The following MYT1L variants were observed in gnomAD, a reference collection of about 807,000 sequenced individuals.
MYT1L encodes myelin transcription factor 1 like.
A neutral mutation model predicts 126.7 loss-of-function variants in MYT1L; 12 were observed. The observed-to-expected ratio is 0.09, with a 90% CI of 0.06 to 0.15. The LOEUF is 0.15. Among genes scored for constraint, MYT1L ranks in the 10% least tolerant of loss-of-function variants. The pLI, the probability that MYT1L is intolerant of heterozygous loss-of-function variation, is 1.00. For missense variants in MYT1L, 979 were observed against 1,585.2 expected (o/e 0.62, Z 6.49); for synonymous variants, 541 against 604.2 (o/e 0.90, Z 1.53).
In MYT1L at chr2:1,806,673, G is replaced by C. The variant is rs922598011; in HGVS notation, c.3172+2403C>G. Among the ~76,000 whole-genome samples, 4 of 152,056 alleles carry C rather than the reference G, an allele frequency of 2.6e-5. No homozygotes were observed. The highest frequency in any genetic ancestry group is 5.9e-5 in the Non-Finnish European group (4 of 68,006). On this transcript the variant is annotated intron_variant, in intron 22 of 24. Coordinates refer to ENST00000647738, the MANE Select transcript of MYT1L (RefSeq NM_001303052.2). The surrounding 1 kb of genome is among the most constrained non-coding windows in gnomAD (Gnocchi z 4.9). ...ACCGATGAAGAGATGGCCACCTCAG[G>C]GATCTGCCCACCGCCGCCCAGGTGG... is the stretch of plus-strand genomic sequence containing the variant.
intron 2 of MYT1L, among the ~76,000 whole-genome samples, chr2:2,277,155 T>C (rs1326185080): frequency 3.3e-5 from 5 of 152,052 alleles, no homozygotes; most frequent in African/African-American, 1.2e-4. Flanking sequence ...CTAATTTTTT[T>C]TGTATTTTTT....
At chr2:2,026,202 G>A (rs75157520) in intron 4 of MYT1L, among the ~76,000 whole-genome samples, 1 of 152,256 alleles carries the variant, frequency 6.6e-6, no homozygotes, top group East Asian at 1.9e-4. Flanking sequence ...ACATTTTTAC[G>A]GCTTCACCCT....
At chr2:1,843,044 A>C (rs2042020837) in intron 19 of MYT1L, 1 of 152,920 alleles carries the variant, frequency 6.5e-6, no homozygotes, top group South Asian at 2.0e-4. Flanking sequence ...CCGCTTCCTC[A>C]GGGGGACCCG....
chr2:2,141,630 T>C (rs2083992071), intron 3 of MYT1L, among the ~76,000 whole-genome samples: 1 of 152,184 alleles, frequency 6.6e-6, no homozygotes, highest in Admixed American at 6.5e-5. Flanking sequence ...CCACTTAAAA[T>C]GTATTTTGGA....
chr2:2,220,824 C>G (rs1411708085), intron 2 of MYT1L, among the ~76,000 whole-genome samples: 1 of 152,028 alleles, frequency 6.6e-6, no homozygotes, highest in Non-Finnish European at 1.5e-5. Context: ...AGTCCCCAGA[C>G]CCCTTAGATA....
rs1279546145 is a variant in MYT1L at position 1,912,946 on chromosome 2, C to A, written c.1619-836G>T. Among the ~76,000 whole-genome samples the A allele has an allele frequency of 2.0e-5, 3 of 152,134 alleles. No individual in the cohort carries two copies. Among genetic ancestry groups the A allele is most frequent in the African/African-American group, 7.2e-5 (3 of 41,428 alleles). ...GAAGGTTAGCAGGGACGAAGGGACC[C>A]CCACACGGACCCTGTCTGCATCATG... On this transcript the variant is annotated intron_variant, in intron 11 of 24. Transcript: ENST00000647738. The surrounding 1 kb of genome is among the most constrained non-coding windows in gnomAD (Gnocchi z 4.3).
intron 18 of MYT1L, among the ~76,000 whole-genome samples, chr2:1,878,932 A>C (rs2047230311): frequency 6.6e-6 from 1 of 152,202 alleles, no homozygotes; most frequent in African/African-American, 2.4e-5. Flanking sequence ...AATGTCATTA[A>C]ATGGAATTGA....
chr2:2,080,865 T>C (rs879671506), intron 3 of MYT1L, among the ~76,000 whole-genome samples: 13 of 152,212 alleles, frequency 8.5e-5, no homozygotes, highest in Non-Finnish European at 1.8e-4. Context: ...TGAAAATGTG[T>C]CTACATGGAC....
At chr2:2,144,535 G>C (rs895062436) in intron 3 of MYT1L, among the ~76,000 whole-genome samples, 3 of 152,182 alleles carry the variant, frequency 2.0e-5, no homozygotes, top group African/African-American at 7.2e-5. Context: ...GTTTTTCTAA[G>C]CTGTGAGTGA....
intron 2 of MYT1L, among the ~76,000 whole-genome samples, chr2:2,175,770 C>T (rs1430592168): frequency 6.6e-5 from 10 of 152,222 alleles, no homozygotes; most frequent in Admixed American, 6.5e-4. Context: ...TCCATAATGG[C>T]TGGAGAGGAC....
chr2:1,933,329 G>A (rs2055281855), intron 9 of MYT1L, among the ~76,000 whole-genome samples: 1 of 152,072 alleles, frequency 6.6e-6, no homozygotes, highest in South Asian at 2.1e-4. Context: ...GGAAGTTCAG[G>A]CGACACAGAT....
intron 13 of MYT1L, among the ~76,000 whole-genome samples, chr2:1,908,533 G>C (rs1389263398): frequency 6.6e-6 from 1 of 152,182 alleles, no homozygotes; most frequent in African/African-American, 2.4e-5. Flanking sequence ...AGCTTCTTGG[G>C]GGTCTGGCCA....
intron 13 of MYT1L, among the ~76,000 whole-genome samples, chr2:1,908,079 G>T (rs1241526560): frequency 6.6e-6 from 1 of 152,240 alleles, no homozygotes; most frequent in Non-Finnish European, 1.5e-5. Flanking sequence ...TCCCATTCCA[G>T]CCAGAGGCAC....
At chr2:2,119,997 G>A (rs973583457) in intron 3 of MYT1L, among the ~76,000 whole-genome samples, 2 of 152,144 alleles carry the variant, frequency 1.3e-5, no homozygotes, top group African/African-American at 4.8e-5. Flanking sequence ...TTAGATGACT[G>A]AAAACACCTA....
intron 4 of MYT1L, among the ~76,000 whole-genome samples, chr2:2,005,522 T>TCCTGCATGTGTTCTTC (rs2063187912): frequency 1.3e-5 from 2 of 150,468 alleles, no homozygotes; most frequent in Non-Finnish European, 3.0e-5. Flanking sequence ...ATGTGTTCTT[T>TCCTGCATGTGTTCTTC]CCTGCAGGCA....
chr2:2,108,958 T>C (rs781325495), intron 3 of MYT1L, among the ~76,000 whole-genome samples: 3 of 152,188 alleles, frequency 2.0e-5, no homozygotes, highest in African/African-American at 4.8e-5. Context: ...CCTTCTGCTT[T>C]TCCTCCTCTC....
At chr2:1,898,656 G>A (rs1390357850) in intron 14 of MYT1L, among the ~76,000 whole-genome samples, 1 of 152,250 alleles carries the variant, frequency 6.6e-6, no homozygotes, top group Non-Finnish European at 1.5e-5. Context: ...AGGTGACACA[G>A]CCATGCTGCA....
chr2:2,170,297 A>G (rs1440481119), intron 3 of MYT1L, among the ~76,000 whole-genome samples: 1 of 152,212 alleles, frequency 6.6e-6, no homozygotes, highest in Non-Finnish European at 1.5e-5. Context: ...CCACAGGCCA[A>G]ATCTGTTCTC....
chr2:2,139,153 T>A (rs2083546719), intron 3 of MYT1L, among the ~76,000 whole-genome samples: 1 of 151,502 alleles, frequency 6.6e-6, no homozygotes. Context: ...ACAGAGCATA[T>A]GGAACAAGTG....
Sources: allele counts gnomAD v4.1 joint callset (sites outside exome capture counted in the v4.1 genomes callset), GRCh38; gene constraint gnomAD v4.1.1; non-coding constraint Gnocchi (gnomAD v3.1); transcripts MANE v1.5; gene names NCBI Gene and HGNC (gene_info 2026-07-23, HGNC 2026-07-21).